RCAN1: variants seen among roughly 807,000 people sequenced by gnomAD.
RCAN1 encodes calcipressin-1.
Under a neutral mutation model 22.9 loss-of-function variants are expected in RCAN1, and 11 were observed. The observed-to-expected ratio is 0.48, with a 90% CI of 0.30 to 0.79. The LOEUF (loss-of-function observed/expected upper bound fraction) is 0.79, where lower values mean the gene tolerates loss of function less well. RCAN1 is among the 30% of genes least tolerant of loss of function. The pLI is 0.06. For synonymous variants in RCAN1, 136 were observed against 142.3 expected (o/e 0.96, Z 0.32); for missense variants, 291 against 337.8 (o/e 0.86, Z 1.09).
intron 1 of RCAN1, among the ~76,000 whole-genome samples, chr21:34,576,494 T>C (rs899776470): frequency 3.3e-5 from 5 of 152,192 alleles, no homozygotes; most frequent in African/African-American, 9.7e-5. Flanking sequence ...CCAGGCTTGA[T>C]GGTATTTTTC....
At chr21:34,521,922 C>A in intron 2 of RCAN1, 1 of 458,354 alleles carries the variant, frequency 2.2e-6, no homozygotes, top group Non-Finnish European at 3.9e-6. Flanking sequence ...TTACGCTTGA[C>A]CTAGATGGAC....
At position 34,526,730 on chromosome 21, in the gene RCAN1, T is replaced by C. The variant is rs770541048; in HGVS notation, c.253-3020A>G. 1.1e-5 allele frequency: 18 copies of C among 1,613,502 alleles called. No individual in the cohort carries two copies. The East Asian group carries it at 3.8e-4, about 34-fold the overall frequency. ...GGCAATCAGGGAGCTAAAACTGTAG[T>C]TAAAGTTTCTAAAATGCATCTTGCT... On this transcript the variant is annotated intron_variant, in intron 1 of 3. Coordinates refer to ENST00000313806, the MANE Select transcript of RCAN1 (RefSeq NM_004414.7).
chr21:34,591,893 A>G (rs1987984875), intron 1 of RCAN1, among the ~76,000 whole-genome samples: 1 of 152,224 alleles, frequency 6.6e-6, no homozygotes, highest in South Asian at 2.1e-4. Flanking sequence ...AGTGCCATCA[A>G]GACGTGTTCC....
rs141842459 is a variant in RCAN1, at chr21:34,548,123, A to G, written c.253-24413T>C. Among the ~76,000 whole-genome samples the G allele has an allele frequency of 9.0e-4, 137 of 152,316 alleles. 1 individual carries two copies. In the East Asian group the frequency reaches 0.019, roughly 21 times the overall value. On this transcript the variant is annotated intron_variant, in intron 1 of 3. Coordinates refer to ENST00000313806, the MANE Select transcript of RCAN1 (RefSeq NM_004414.7). Reference sequence around the variant, plus strand: ...ATTTCTATTGTTTAAGGCACCTAGAATAGGGCATTTTGTTATAGCAGCCCG... The same window carrying G: ...ATTTCTATTGTTTAAGGCACCTAGAGTAGGGCATTTTGTTATAGCAGCCCG...
chr21:34,546,990 C>T (rs1190343722), intron 1 of RCAN1, among the ~76,000 whole-genome samples: 1 of 152,136 alleles, frequency 6.6e-6, no homozygotes, highest in Non-Finnish European at 1.5e-5. Flanking sequence ...GTGAATAAAT[C>T]TCTCCCCAAA....
At chr21:34,544,918 C>A (rs2834518) in intron 1 of RCAN1, among the ~76,000 whole-genome samples, 1 of 151,990 alleles carries the variant, frequency 6.6e-6, no homozygotes, top group African/African-American at 2.4e-5. Context: ...GACTGTATGA[C>A]GTGAACTCCA....
rs745327845 is a variant in RCAN1 at position 34,614,843 on chromosome 21, C to G, written c.169G>C (p.Glu57Gln). 1 of 1,485,464 alleles carries G rather than the reference C, an allele frequency of 6.7e-7. No individual in the cohort carries two copies. The highest frequency in any genetic ancestry group is 9.0e-7 in the Non-Finnish European group (1 of 1,115,892). 92.0% of individuals were successfully genotyped at this position (1,485,464 alleles called of 1,614,324 possible). ...GDWSFIDCEM[E>Q]EVDLQDLPSA... ...GGCAGGTCCTGCAGGTCCACCTCCT[C>G]CATCTCGCAGTCAATGAAGCTCCAG... The change falls in exon 1 of 4, where the codon GAG becomes CAG. Residue 57 changes from glutamate (E) to glutamine (Q), a missense_variant. Transcript: ENST00000313806. This position sits in a 1 kb window ranked among gnomAD's most constrained non-coding sequence, Gnocchi z 6.0.
chr21:34,537,562 A>G (rs554010944), intron 1 of RCAN1, among the ~76,000 whole-genome samples: 2 of 152,340 alleles, frequency 1.3e-5, no homozygotes, highest in South Asian at 2.1e-4. Context: ...CAAATACCCC[A>G]GGCCTCATCA....
Position 34,530,616 on chromosome 21 carries a change from GTTTTTTTTTT to G in RCAN1, c.253-6916_253-6907del, listed in dbSNP as rs59150851. On this transcript the variant is annotated intron_variant, in intron 1 of 3. Coordinates refer to ENST00000313806, the MANE Select transcript of RCAN1 (RefSeq NM_004414.7). ...TTTTTGCTTCTAAGATAGTGAAATAGTTTTTTTTTTTTTTTTTTTTTTTTTTTGAGACAGT... is the reference window on the plus strand; with the variant it reads ...TTTTTGCTTCTAAGATAGTGAAATAGTTTTTTTTTTTTTTTTTGAGACAGT... 1.8e-3 allele frequency among the ~76,000 whole-genome samples: 116 copies of G among 66,230 alleles called. 1 individual carries two copies. Among genetic ancestry groups the G allele is most frequent in the African/African-American group, 6.0e-3 (110 of 18,442 alleles). 43.4% of individuals were successfully genotyped at this position (66,230 alleles called of 152,430 possible). A position where few individuals can be genotyped will look rare whatever the true frequency, so the allele number is the denominator to read the frequency against.
intron 2 of RCAN1, 142 bp downstream of exon 2, chr21:34,523,395 C>T (rs1984747418): frequency 5.3e-6 from 4 of 751,598 alleles, no homozygotes; most frequent in African/African-American, 1.8e-5. Context: ...AGACGCTGAA[C>T]ATTCAGAGTA....
At chr21:34,533,913 G>T (rs568783552) in intron 1 of RCAN1, among the ~76,000 whole-genome samples, 2 of 152,326 alleles carry the variant, frequency 1.3e-5, no homozygotes, top group Non-Finnish European at 2.9e-5. Context: ...GGAGAATCTG[G>T]CATGCTGCAA....
Position 34,614,693 on chromosome 21 carries a change from C to T in RCAN1, c.252+67G>A. 1 of 1,304,776 alleles carries T rather than the reference C, an allele frequency of 7.7e-7. No individual in the cohort carries two copies. The highest frequency in any genetic ancestry group is 9.8e-7 in the Non-Finnish European group (1 of 1,024,518). 80.8% of individuals were successfully genotyped at this position (1,304,776 alleles called of 1,614,324 possible). ...GCGGCCGGGACTGGGCGCTGCGACC[C>T]GCGCCGCCTCCTCGGGCAACAAGTG... On this transcript the variant is annotated intron_variant, in intron 1 of 3. Transcript: ENST00000313806. This position sits in a 1 kb window ranked among gnomAD's most constrained non-coding sequence, Gnocchi z 6.0.
chr21:34,530,457 T>C (rs1382919573), intron 1 of RCAN1, among the ~76,000 whole-genome samples: 1 of 152,142 alleles, frequency 6.6e-6, no homozygotes, highest in Non-Finnish European at 1.5e-5. Flanking sequence ...ATGTGCCCCC[T>C]GTGAAGCTGT....
At chr21:34,523,805 C>T (rs1984799235) in intron 1 of RCAN1, 95 bp from the exon 2 acceptor site, 4 of 1,037,144 alleles carry the variant, frequency 3.9e-6, no homozygotes, top group African/African-American at 1.6e-5. Flanking sequence ...TTCTTCGAGA[C>T]AGAGTCTTGC....
intron 1 of RCAN1, among the ~76,000 whole-genome samples, chr21:34,560,798 A>C (rs1444918727): frequency 6.6e-6 from 1 of 152,164 alleles, no homozygotes; most frequent in African/African-American, 2.4e-5. Flanking sequence ...GCTAAATGGA[A>C]AATTAGTGGT....
chr21:34,551,407 G>C (rs1986361690), intron 1 of RCAN1, among the ~76,000 whole-genome samples: 1 of 152,056 alleles, frequency 6.6e-6, no homozygotes, highest in South Asian at 2.1e-4. Flanking sequence ...TTGATTTGCT[G>C]GTTTATTTGA....
intron 1 of RCAN1, among the ~76,000 whole-genome samples, chr21:34,550,584 C>A (rs1235628231): frequency 6.6e-6 from 1 of 152,168 alleles, no homozygotes; most frequent in African/African-American, 2.4e-5. Flanking sequence ...AGGGAAATAG[C>A]CCTGCCATCA....
At chr21:34,596,815 G>A (rs930078038) in intron 1 of RCAN1, among the ~76,000 whole-genome samples, 9 of 152,158 alleles carry the variant, frequency 5.9e-5, no homozygotes, top group Admixed American at 2.6e-4. Context: ...GAAGGAGCTC[G>A]GCTGAAAACT....
rs1305410536 is a variant in RCAN1, at chr21:34,526,662, C to T, written c.253-2952G>A. 7 of 1,612,762 alleles carry T rather than the reference C, an allele frequency of 4.3e-6. No homozygotes were observed. The South Asian group carries it at 7.7e-5, about 18-fold the overall frequency. On this transcript the variant is annotated intron_variant, in intron 1 of 3. Coordinates refer to ENST00000313806, the MANE Select transcript of RCAN1 (RefSeq NM_004414.7). ...AAATCACGTTATATTAGAAGCCTTA[C>T]CCTGGTTTCACTTTCGCTGAAGATA... is the stretch of plus-strand genomic sequence containing the variant.
Sources: gnomAD v4.1 joint callset for allele counts (sites outside exome capture counted in the v4.1 genomes callset) on GRCh38, gnomAD v4.1.1 for gene constraint, Gnocchi (gnomAD v3.1) non-coding constraint, MANE v1.5 for transcripts, NCBI Gene and HGNC (gene_info 2026-07-23, HGNC 2026-07-21) for gene names.